The following MYLK4 variants were observed in gnomAD, a reference collection of about 807,000 sequenced individuals.
The protein encoded by MYLK4 is myosin light chain kinase family member 4, also known as caMLCK like.
MYLK4 carries 46 observed loss-of-function variants against 48.1 expected under a neutral mutation model. That is an observed-to-expected ratio of 0.96 (90% confidence interval 0.75 to 1.22). The LOEUF is 1.22. MYLK4 is among the 50% of genes most tolerant of loss of function. The pLI is 0.00. For missense variants in MYLK4, 451 were observed against 486.1 expected, an observed-to-expected ratio of 0.93 and a Z score of 0.68; for synonymous variants, 170 against 180.8, an observed-to-expected ratio of 0.94 and a Z score of 0.48.
the MYLK4 span, among the ~76,000 whole-genome samples, chr6:2,762,373 A>C: frequency 6.6e-6 from 1 of 152,262 alleles, no homozygotes; most frequent in Admixed American, 6.5e-5. Context: ...AACAATGATT[A>C]CAAGTAGACT....
At chr6:2,736,180 T>A (rs145036878) in intron 2 of MYLK4, among the ~76,000 whole-genome samples, 1 of 152,240 alleles carries the variant, frequency 6.6e-6, no homozygotes, top group Non-Finnish European at 1.5e-5. Flanking sequence ...TAAATAATAA[T>A]ACTGTTACAG....
chr6:2,706,396 A>G (rs1205349408), intron 2 of MYLK4, among the ~76,000 whole-genome samples: 1 of 152,004 alleles, frequency 6.6e-6, no homozygotes, highest in Non-Finnish European at 1.5e-5. Flanking sequence ...ACAAAAGGAC[A>G]TTTTTGGAGG....
chr6:2,742,435 A>T (rs1404528371), intron 2 of MYLK4, among the ~76,000 whole-genome samples: 1 of 151,946 alleles, frequency 6.6e-6, no homozygotes, highest in Non-Finnish European at 1.5e-5. Context: ...TTACTGTGGC[A>T]CTATTCACAA....
intron 2 of MYLK4, among the ~76,000 whole-genome samples, chr6:2,718,243 C>T (rs538179783): frequency 2.0e-4 from 30 of 151,948 alleles, no homozygotes; most frequent in South Asian, 6.2e-4. Context: ...TCTAGTGCTG[C>T]GGTCTCCAAA....
At chr6:2,710,900 C>A (rs968236556) in intron 2 of MYLK4, among the ~76,000 whole-genome samples, 2 of 152,224 alleles carry the variant, frequency 1.3e-5, no homozygotes, top group Admixed American at 6.5e-5. Flanking sequence ...AATTTGTTAT[C>A]AGCAATGTCC....
At chr6:2,743,901 C>T (rs1206115501) in intron 2 of MYLK4, 21 of 398,470 alleles carry the variant, frequency 5.3e-5, no homozygotes, top group Middle Eastern at 6.2e-4. Flanking sequence ...ACTACCTGCA[C>T]GTCCTCAAGA....
the MYLK4 span, among the ~76,000 whole-genome samples, chr6:2,769,504 A>AT: frequency 6.6e-6 from 1 of 151,784 alleles, no homozygotes; most frequent in Non-Finnish European, 1.5e-5. Context: ...ACTTTAAAAA[A>AT]TTTTTTTTTG....
At position 2,696,787 on chromosome 6, in the gene MYLK4, C is replaced by T. The variant is rs80224787; in HGVS notation, c.160-3928G>A. 1.3e-3 allele frequency among the ~76,000 whole-genome samples: 196 copies of T among 152,326 alleles called. 1 individual carries two copies. The highest frequency in any genetic ancestry group is 2.2e-3 in the Admixed American group (34 of 15,298). ...TTATAAAAATAAAAGTGCAGCCAGG[C>T]GCAGTGGCTCACACCTGTAATCTCA... On this transcript the variant is annotated intron_variant, in intron 2 of 12. Transcript: ENST00000274643.
chr6:2,723,603 C>T (rs1254917140), intron 2 of MYLK4, among the ~76,000 whole-genome samples: 1 of 152,198 alleles, frequency 6.6e-6, no homozygotes, highest in Non-Finnish European at 1.5e-5. Flanking sequence ...TCCATATTTC[C>T]TTTTCACTCA....
chr6:2,725,615 C>G (rs1395201051), intron 2 of MYLK4, among the ~76,000 whole-genome samples: 9 of 126,644 alleles, frequency 7.1e-5, no homozygotes, highest in African/African-American at 3.0e-4. Context: ...AACAAACAAA[C>G]AAACAAAGAA....
At chr6:2,722,532 T>G (rs1368641473) in intron 2 of MYLK4, among the ~76,000 whole-genome samples, 1 of 151,332 alleles carries the variant, frequency 6.6e-6, no homozygotes, top group Non-Finnish European at 1.5e-5. Flanking sequence ...TGTGTGTGTG[T>G]GTGTGTGTGT....
chr6:2,701,943 C>T (rs1582068022), intron 2 of MYLK4, among the ~76,000 whole-genome samples: 2 of 152,242 alleles, frequency 1.3e-5, no homozygotes, highest in East Asian at 3.8e-4. Context: ...TGTCTATTTA[C>T]ATCTTGCCTC....
intron 2 of MYLK4, among the ~76,000 whole-genome samples, chr6:2,731,786 G>C (rs1278362770): frequency 6.6e-6 from 1 of 152,214 alleles, no homozygotes; most frequent in Non-Finnish European, 1.5e-5. Flanking sequence ...TATTTTCTGT[G>C]AGTCCAGTTT....
intron 4 of MYLK4, among the ~76,000 whole-genome samples, chr6:2,686,892 A>G (rs375858155): frequency 6.6e-6 from 1 of 152,142 alleles, no homozygotes; most frequent in Non-Finnish European, 1.5e-5. Flanking sequence ...CCCCTTCACT[A>G]GCAATGGCCG....
At chr6:2,766,422 G>T in the MYLK4 span, 1 of 1,588,078 alleles carries the variant, frequency 6.3e-7, no homozygotes, top group Non-Finnish European at 8.6e-7. Context: ...CTTATCCTGT[G>T]GGGGCCGCCG....
chr6:2,742,189 T>C (rs973422446), intron 2 of MYLK4, among the ~76,000 whole-genome samples: 3 of 152,202 alleles, frequency 2.0e-5, no homozygotes, highest in African/African-American at 7.2e-5. Flanking sequence ...TTCCTCTTCA[T>C]ATGAACTTGA....
chr6:2,703,665 CTT>C (rs3055234), intron 2 of MYLK4, among the ~76,000 whole-genome samples: 18 of 95,152 alleles, frequency 1.9e-4, no homozygotes, highest in East Asian at 1.2e-3. Context: ...TTTGTGAATT[CTT>C]TTTTTTTTTT....
At chr6:2,680,554 T>C in intron 7 of MYLK4, 1 of 985,454 alleles carries the variant, frequency 1.0e-6, no homozygotes. Context: ...GCAGAGGCCT[T>C]GAGGGGAGCA....
At chr6:2,728,486 G>A (rs73352554) in intron 2 of MYLK4, among the ~76,000 whole-genome samples, 3,201 of 151,834 alleles carry the variant, frequency 0.021, 83 homozygotes, top group African/African-American at 0.071. Context: ...TCTGTGTCCC[G>A]CAGCCGACCT....
Sources: gnomAD v4.1 joint callset for allele counts (sites outside exome capture counted in the v4.1 genomes callset) on GRCh38, gnomAD v4.1.1 for gene constraint, MANE v1.5 for transcripts, NCBI Gene and HGNC (gene_info 2026-07-23, HGNC 2026-07-21) for gene names.